Variants in EGFR observed in about 807,000 individuals in gnomAD.
The protein encoded by EGFR is epidermal growth factor receptor.
In EGFR, 58 loss-of-function variants were observed where a neutral mutation model predicts 143.0. The ratio of observed to expected loss-of-function variants is 0.41; its 90% CI spans 0.33 to 0.50. The LOEUF (loss-of-function observed/expected upper bound fraction) is 0.50. Ranked by LOEUF, EGFR falls within the 20% of genes least tolerant of loss-of-function variation. The pLI is 0.39. For missense variants in EGFR, 1,307 were observed against 1,579.0 expected (o/e 0.83, Z 2.92); for synonymous variants, 613 against 594.4 (o/e 1.03, Z -0.45).
chr7:55,019,788 C>A (rs1196850834), intron 1 of EGFR, among the ~76,000 whole-genome samples: 3 of 152,180 alleles, frequency 2.0e-5, no homozygotes, highest in African/African-American at 7.2e-5. Flanking sequence ...GCGACGGGGT[C>A]CTGGCGCGCA....
At chr7:55,051,803 G>A (rs545624875) in intron 1 of EGFR, among the ~76,000 whole-genome samples, 3 of 152,258 alleles carry the variant, frequency 2.0e-5, no homozygotes, top group African/African-American at 2.4e-5. Context: ...TCACACAGAC[G>A]CTGACCACTG....
chr7:55,118,502 C>T (rs912251392), intron 1 of EGFR, among the ~76,000 whole-genome samples: 2 of 152,198 alleles, frequency 1.3e-5, no homozygotes, highest in Non-Finnish European at 2.9e-5. Context: ...TTCTCCCCCA[C>T]TCCCCGGCTG....
At chr7:55,090,438 T>G (rs897510770) in intron 1 of EGFR, among the ~76,000 whole-genome samples, 1 of 152,214 alleles carries the variant, frequency 6.6e-6, no homozygotes, top group Non-Finnish European at 1.5e-5. Context: ...GGTCTTTTGC[T>G]GCCACATGAA....
intron 1 of EGFR, among the ~76,000 whole-genome samples, chr7:55,100,885 A>AT (rs1217880835): frequency 2.6e-5 from 4 of 152,230 alleles, no homozygotes; most frequent in Non-Finnish European, 4.4e-5. Flanking sequence ...AATATGCTCC[A>AT]TTTTTTTGAC....
At chr7:55,179,756 C>T (rs757105165) in intron 19 of EGFR, 3 of 152,204 alleles carry the variant, frequency 2.0e-5, no homozygotes, top group Non-Finnish European at 4.4e-5. Flanking sequence ...AAAATTGCAT[C>T]GGTACTGAAC....
intron 1 of EGFR, among the ~76,000 whole-genome samples, chr7:55,085,621 C>T (rs1790709115): frequency 6.6e-6 from 1 of 152,244 alleles, no homozygotes; most frequent in Non-Finnish European, 1.5e-5. Flanking sequence ...GCTGAAGTAA[C>T]TGCACAAGAA....
chr7:55,202,434 C>A, intron 26 of EGFR, 83 bp from the exon 27 acceptor site: 1 of 1,200,520 alleles, frequency 8.3e-7, no homozygotes, highest in South Asian at 1.3e-5. Context: ...ACCAGCATCT[C>A]AAGGAGATCT....
In EGFR at chr7:55,201,369, GTC is replaced by G. The variant is rs753534663; in HGVS notation, c.3114+29_3114+30del. The stretch of plus-strand genomic sequence containing the variant: ...CTGAGCTCTCTGGTATGAAATCTCT[GTC>G]TCTCTCTCTCTCTCAAGCTGTGTCT... On this transcript the variant is annotated intron_variant, in intron 25 of 27. Transcript: ENST00000275493. The G allele has an allele frequency of 3.3e-4, 523 of 1,572,208 alleles. No individual in the cohort carries two copies. The highest frequency in any genetic ancestry group is 3.9e-4 in the Non-Finnish European group (449 of 1,151,032).
At chr7:55,148,997 C>G (rs1005576842) in intron 4 of EGFR, among the ~76,000 whole-genome samples, 3 of 152,072 alleles carry the variant, frequency 2.0e-5, no homozygotes, top group African/African-American at 7.2e-5. Context: ...GGGTTTACTT[C>G]AGAGAAAATT....
rs192824441 is a variant in EGFR at position 55,026,258 on chromosome 7, G to A, written c.88+6893G>A. 1.9e-3 allele frequency among the ~76,000 whole-genome samples: 283 copies of A among 152,272 alleles called. 2 individuals are homozygous for A. Among genetic ancestry groups the A allele is most frequent in the Non-Finnish European group, 3.1e-3 (212 of 68,032 alleles). On this transcript the variant is annotated intron_variant, in intron 1 of 27. Coordinates refer to ENST00000275493, the MANE Select transcript of EGFR (RefSeq NM_005228.5). ...TTACTCATCTCATGAGCTCCTTCGA[G>A]ATCCAGAAACAGTTGCATATTTCAT...
At chr7:55,027,890 C>A (rs1363684270) in intron 1 of EGFR, among the ~76,000 whole-genome samples, 8 of 150,382 alleles carry the variant, frequency 5.3e-5, no homozygotes, top group Non-Finnish European at 7.4e-5. Flanking sequence ...TTGCAGACAT[C>A]CTTTGGAAAC....
At chr7:55,024,966 T>C (rs529249255) in intron 1 of EGFR, among the ~76,000 whole-genome samples, 55 of 152,316 alleles carry the variant, frequency 3.6e-4, no homozygotes, top group African/African-American at 1.3e-3. Flanking sequence ...TTTGAGCTAT[T>C]TGGTTATATG....
At chr7:55,191,691 C>G in intron 20 of EGFR, 28 bp from the exon 21 acceptor site, 1 of 1,613,100 alleles carries the variant, frequency 6.2e-7, no homozygotes, top group Non-Finnish European at 8.5e-7. Flanking sequence ...ATGATCTGTC[C>G]CTCACAGCAG....
At chr7:55,146,522 C>A (rs115102360) in intron 3 of EGFR, 84 bp from the exon 4 acceptor site, 2 of 1,597,336 alleles carry the variant, frequency 1.3e-6, no homozygotes, top group Admixed American at 1.7e-5. Flanking sequence ...TTTAGCAGAA[C>A]ATAAATGCGA....
intron 1 of EGFR, among the ~76,000 whole-genome samples, chr7:55,063,484 T>A (rs1363222819): frequency 1.3e-5 from 2 of 152,150 alleles, no homozygotes. Flanking sequence ...GGAGGAAATA[T>A]AATGAACAAA....
At chr7:55,040,574 C>T (rs561972205) in intron 1 of EGFR, among the ~76,000 whole-genome samples, 1 of 152,262 alleles carries the variant, frequency 6.6e-6, no homozygotes, top group East Asian at 1.9e-4. Context: ...CTTATCTAAA[C>T]TCTTACTCTG....
intron 1 of EGFR, among the ~76,000 whole-genome samples, chr7:55,061,878 A>G (rs1789204896): frequency 6.6e-6 from 1 of 152,184 alleles, no homozygotes; most frequent in Non-Finnish European, 1.5e-5. Context: ...CTCAGCTGCT[A>G]AGTGGGCAGC....
At chr7:55,058,316 C>T (rs748241025) in intron 1 of EGFR, among the ~76,000 whole-genome samples, 4 of 152,008 alleles carry the variant, frequency 2.6e-5, no homozygotes, top group Non-Finnish European at 4.4e-5. Flanking sequence ...ATTGCTTGAA[C>T]GCGGGAGGCG....
intron 1 of EGFR, among the ~76,000 whole-genome samples, chr7:55,086,001 C>A (rs17289281): frequency 3.5e-4 from 54 of 152,254 alleles, no homozygotes; most frequent in African/African-American, 1.2e-3. Context: ...CTCTTCCTCC[C>A]TTAGATTTGA....
Sources: allele counts gnomAD v4.1 joint callset (sites outside exome capture counted in the v4.1 genomes callset), GRCh38; gene constraint gnomAD v4.1.1; transcripts MANE v1.5; gene names NCBI Gene and HGNC (gene_info 2026-07-23, HGNC 2026-07-21).